MOSMO: variants seen among roughly 807,000 people sequenced by gnomAD.
MOSMO encodes modulator of smoothened protein.
Under a neutral mutation model 18.4 loss-of-function variants are expected in MOSMO, and 5 were observed. The ratio of observed to expected loss-of-function variants is 0.27; its 90% confidence interval spans 0.14 to 0.57. The LOEUF is 0.57. Ranked by LOEUF, MOSMO falls within the 20% of genes least tolerant of loss-of-function variation. The pLI is 0.92. For missense variants in MOSMO, 138 were observed against 211.8 expected (o/e 0.65, Z 2.16); for synonymous variants, 82 against 82.3 (o/e 1.00, Z 0.02).
intron 1 of MOSMO, among the ~76,000 whole-genome samples, chr16:22,058,623 G>A (rs1392336820): frequency 1.3e-5 from 2 of 152,036 alleles, no homozygotes; most frequent in African/African-American, 4.8e-5. Context: ...GGGAACCTAT[G>A]GGGGAAAGAA....
chr16:22,035,026 G>A (rs973212335), intron 1 of MOSMO, among the ~76,000 whole-genome samples: 2 of 152,020 alleles, frequency 1.3e-5, no homozygotes, highest in Non-Finnish European at 2.9e-5. Context: ...GAGCCACGGC[G>A]CCTGGCCTAG....
In MOSMO at chr16:22,036,579, C is replaced by T. The variant is rs527527899; in HGVS notation, c.106+28172C>T. On this transcript the variant is annotated intron_variant, in intron 1 of 2. Transcript: ENST00000542527. ...GCTCCTATCTCCGCCCCACGAGTAG[C>T]TCGGACTACAGGTGTGCACTACCGT... Among the ~76,000 whole-genome samples the T allele has an allele frequency of 3.9e-5, 6 of 152,282 alleles. No homozygotes were observed. The South Asian group carries it at 1.0e-3, about 26-fold the overall frequency.
chr16:22,029,620 CTAATTTAT>C (rs1899953330), intron 1 of MOSMO, among the ~76,000 whole-genome samples: 3 of 152,092 alleles, frequency 2.0e-5, no homozygotes, highest in African/African-American at 4.8e-5. Context: ...AATTAATTAA[CTAATTTAT>C]TTATTTATTT....
chr16:22,038,474 C>T (rs1900149901), intron 1 of MOSMO, among the ~76,000 whole-genome samples: 1 of 152,036 alleles, frequency 6.6e-6, no homozygotes, highest in East Asian at 1.9e-4. Flanking sequence ...TAAAGCATAA[C>T]AGAGGGATAG....
chr16:22,056,979 C>G (rs1418189643), intron 1 of MOSMO, among the ~76,000 whole-genome samples: 1 of 152,106 alleles, frequency 6.6e-6, no homozygotes. Context: ...ATATTTGTTT[C>G]TAGTTTTTTC....
chr16:22,021,746 C>T (rs1423825284), intron 1 of MOSMO, among the ~76,000 whole-genome samples: 3 of 151,632 alleles, frequency 2.0e-5, no homozygotes, highest in Non-Finnish European at 4.4e-5. Flanking sequence ...GGCAGTGAGC[C>T]GAGACTGGAC....
intron 1 of MOSMO, among the ~76,000 whole-genome samples, chr16:22,059,910 C>T (rs2141757600): frequency 6.6e-6 from 1 of 152,310 alleles, no homozygotes; most frequent in Non-Finnish European, 1.5e-5. Context: ...GGTATGGTGG[C>T]TCATGCCTGT....
At chr16:22,025,355 A>C (rs899043277) in intron 1 of MOSMO, among the ~76,000 whole-genome samples, 7 of 152,160 alleles carry the variant, frequency 4.6e-5, no homozygotes, top group African/African-American at 1.7e-4. Flanking sequence ...TTATCTTAAA[A>C]ATTGATCATA....
At chr16:22,031,814 G>A (rs930108027) in intron 1 of MOSMO, among the ~76,000 whole-genome samples, 1 of 152,144 alleles carries the variant, frequency 6.6e-6, no homozygotes, top group African/African-American at 2.4e-5. Context: ...ACGCCTCTGT[G>A]AACCATGTAC....
At chr16:22,059,831 C>A (rs914186505) in intron 1 of MOSMO, among the ~76,000 whole-genome samples, 1 of 152,138 alleles carries the variant, frequency 6.6e-6, no homozygotes, top group Non-Finnish European at 1.5e-5. Context: ...CAAACCATAT[C>A]AATGGGGTTT....
chr16:22,066,533 C>T (rs1900751540), intron 1 of MOSMO, among the ~76,000 whole-genome samples: 1 of 152,128 alleles, frequency 6.6e-6, no homozygotes, highest in Non-Finnish European at 1.5e-5. Context: ...GAAGTGAGGG[C>T]CAAGGCAGAG....
intron 1 of MOSMO, among the ~76,000 whole-genome samples, chr16:22,025,745 G>C (rs1899863011): frequency 6.6e-6 from 1 of 152,140 alleles, no homozygotes; most frequent in Non-Finnish European, 1.5e-5. Flanking sequence ...GCTCTGCAGG[G>C]GAAATGTCCC....
chr16:22,020,082 A>G (rs1179010511), intron 1 of MOSMO, among the ~76,000 whole-genome samples: 5 of 150,456 alleles, frequency 3.3e-5, no homozygotes, highest in Non-Finnish European at 7.4e-5. Context: ...GCGTGGTGGC[A>G]CATGCCTGTA....
At chr16:22,084,857 G>A (rs1467405308), downstream of MOSMO, among the ~76,000 whole-genome samples, 7 of 152,046 alleles carry the variant, frequency 4.6e-5, no homozygotes, top group South Asian at 6.2e-4. Flanking sequence ...ATTCCAGGAC[G>A]TGGATTAGGC....
intron 1 of MOSMO, among the ~76,000 whole-genome samples, chr16:22,028,974 C>T (rs1283417351): frequency 1.3e-5 from 2 of 152,022 alleles, no homozygotes; most frequent in African/African-American, 2.4e-5. Context: ...CAGGTTCAAG[C>T]GATTCTCCTG....
chr16:22,089,332 G>A (rs762943897), downstream of MOSMO, among the ~76,000 whole-genome samples: 17 of 152,144 alleles, frequency 1.1e-4, no homozygotes, highest in Non-Finnish European at 2.4e-4. Flanking sequence ...CCTCCAAAGT[G>A]CTGGGATTAC....
intron 1 of MOSMO, among the ~76,000 whole-genome samples, chr16:22,041,523 G>A (rs959104329): frequency 2.0e-5 from 3 of 152,148 alleles, no homozygotes; most frequent in South Asian, 4.1e-4. Flanking sequence ...CTGTAGTTAA[G>A]TATTTAGACC....
chr16:22,043,653 A>G (rs1319054320), intron 1 of MOSMO, among the ~76,000 whole-genome samples: 1 of 152,216 alleles, frequency 6.6e-6, no homozygotes, highest in Non-Finnish European at 1.5e-5. Flanking sequence ...TCAAGACAAA[A>G]TAGTTTGTCC....
intron 1 of MOSMO, among the ~76,000 whole-genome samples, chr16:22,013,763 G>A (rs1428276005): frequency 6.6e-6 from 1 of 151,792 alleles, no homozygotes; most frequent in Non-Finnish European, 1.5e-5. Context: ...TTTCCCTAAA[G>A]TGGTTATCAT....
Sources: allele counts gnomAD v4.1 joint callset (sites outside exome capture counted in the v4.1 genomes callset), GRCh38; gene constraint gnomAD v4.1.1; transcripts MANE v1.5; gene names NCBI Gene and HGNC (gene_info 2026-07-23, HGNC 2026-07-21).